The following PTPRD variants were observed in gnomAD, a reference collection of about 807,000 sequenced individuals.
PTPRD encodes the protein receptor-type tyrosine-protein phosphatase delta.
In PTPRD, 34 loss-of-function variants were observed where a neutral mutation model predicts 214.5. The observed-to-expected ratio is 0.16, with a 90% CI of 0.12 to 0.21. The LOEUF (loss-of-function observed/expected upper bound fraction) is 0.21. Among genes scored for constraint, PTPRD ranks in the 10% least tolerant of loss-of-function variants. The probability of loss-of-function intolerance (pLI) is 1.00; values close to 1 mark genes in which losing one functional copy is unlikely to be tolerated. For synonymous variants in PTPRD, 1,128 were observed against 845.7 expected, an observed-to-expected ratio of 1.33 and a Z score of -5.79; for missense variants, 2,545 against 2,398.7, an observed-to-expected ratio of 1.06 and a Z score of -1.27.
Position 8,518,386 on chromosome 9 carries a change from T to C in PTPRD, c.1005A>G (p.Thr335=), listed in dbSNP as rs1268458304. 1 of 1,613,764 alleles carries C rather than the reference T, an allele frequency of 6.2e-7. No homozygotes were observed. The highest frequency in any genetic ancestry group is 8.5e-7 in the Non-Finnish European group (1 of 1,179,868). ...PPGTPVVTES[T]ATSITLTWDS... ...CCCACGTCAGTGTGATGCTTGTAGC[T>C]GTGCTCTCGGTCACTACAGGAGTTC... is the stretch of plus-strand genomic sequence containing the variant. Residue 335 remains threonine, a synonymous_variant, in exon 21 of 46, where the codon ACA becomes ACG. Transcript: ENST00000381196.
At chr9:8,376,215 G>A in intron 38 of PTPRD, 125 bp from the exon 39 acceptor site, 1 of 1,098,938 alleles carries the variant, frequency 9.1e-7, no homozygotes, top group Admixed American at 2.8e-5. Context: ...TGTAGCCTTT[G>A]GGAAGACACA....
intron 36 of PTPRD, among the ~76,000 whole-genome samples, chr9:8,397,951 AT>A (rs1453050554): frequency 2.6e-5 from 4 of 152,128 alleles, no homozygotes; most frequent in Non-Finnish European, 4.4e-5. Context: ...AAAAGAATAG[AT>A]TCTTGCCCCT....
intron 35 of PTPRD, among the ~76,000 whole-genome samples, chr9:8,420,878 T>A (rs1368749029): frequency 1.3e-5 from 2 of 151,538 alleles, no homozygotes; most frequent in Non-Finnish European, 2.9e-5. Context: ...TGATCAGTAT[T>A]CCCCTGTTGT....
intron 2 of PTPRD, among the ~76,000 whole-genome samples, chr9:10,449,889 T>G (rs1268675422): frequency 2.0e-5 from 3 of 151,838 alleles, no homozygotes; most frequent in African/African-American, 7.3e-5. Context: ...CATTTTGTTC[T>G]GTACTAAGAA....
rs939676522 is a variant in PTPRD at position 9,233,099 on chromosome 9, T to C, written c.-202-49736A>G. ...CAGAGGCTGTATTAGTTTGTTCCCA[T>C]GCTGCTATGAAGAAATACCAGAGAC... On this transcript the variant is annotated intron_variant, in intron 9 of 45. Transcript: ENST00000381196. Among the ~76,000 whole-genome samples the C allele has an allele frequency of 7.9e-5, 12 of 152,182 alleles. No homozygotes were observed. The East Asian group carries it at 2.3e-3, about 29-fold the overall frequency.
intron 9 of PTPRD, among the ~76,000 whole-genome samples, chr9:9,216,089 A>G (rs955571410): frequency 2.6e-5 from 4 of 152,128 alleles, no homozygotes; most frequent in African/African-American, 4.8e-5. Flanking sequence ...CTTACTAGCT[A>G]TGTGACACTG....
chr9:9,779,964 C>T (rs1022112004), intron 5 of PTPRD, among the ~76,000 whole-genome samples: 1 of 150,844 alleles, frequency 6.6e-6, no homozygotes, highest in East Asian at 1.9e-4. Context: ...CTCATATGTT[C>T]ATCATTGTGT....
chr9:10,354,466 C>T (rs73644426), intron 2 of PTPRD, among the ~76,000 whole-genome samples: 3,300 of 152,204 alleles, frequency 0.022, 129 homozygotes, highest in African/African-American at 0.075. Flanking sequence ...AATGAAGCCT[C>T]TTGGTTTCCG....
At chr9:9,353,728 G>GAAAACA (rs2052457413) in intron 9 of PTPRD, among the ~76,000 whole-genome samples, 1 of 151,652 alleles carries the variant, frequency 6.6e-6, no homozygotes, top group Admixed American at 6.6e-5. Flanking sequence ...AAACAAAAAA[G>GAAAACA]AAAACAAGGA....
chr9:9,501,799 T>G (rs1188984158), intron 8 of PTPRD, among the ~76,000 whole-genome samples: 1 of 151,918 alleles, frequency 6.6e-6, no homozygotes, highest in African/African-American at 2.4e-5. Context: ...TGGCAAAATT[T>G]TAGACTACCA....
chr9:9,305,445 T>C (rs1001301129), intron 9 of PTPRD, among the ~76,000 whole-genome samples: 2 of 152,128 alleles, frequency 1.3e-5, no homozygotes, highest in African/African-American at 2.4e-5. Context: ...TAAGGTAACC[T>C]ATCTATGCTG....
chr9:8,379,433 A>C (rs948639494), intron 37 of PTPRD, among the ~76,000 whole-genome samples: 2 of 152,150 alleles, frequency 1.3e-5, no homozygotes, highest in African/African-American at 4.8e-5. Context: ...AGTTACTGAC[A>C]AATATTATTT....
At chr9:10,030,809 C>G (rs2154130896) in intron 4 of PTPRD, among the ~76,000 whole-genome samples, 1 of 152,282 alleles carries the variant, frequency 6.6e-6, no homozygotes, top group African/African-American at 2.4e-5. Context: ...TACTCCCATC[C>G]CGCTTCATCT....
At chr9:10,198,645 G>T (rs961416878) in intron 3 of PTPRD, among the ~76,000 whole-genome samples, 2 of 152,084 alleles carry the variant, frequency 1.3e-5, no homozygotes, top group Admixed American at 6.6e-5. Context: ...TTTACTGATG[G>T]TGGTTAATCA....
At chr9:9,805,573 T>G (rs2099067898) in intron 5 of PTPRD, among the ~76,000 whole-genome samples, 1 of 152,196 alleles carries the variant, frequency 6.6e-6, no homozygotes, top group African/African-American at 2.4e-5. Context: ...TATTTAAAGC[T>G]TTTCTTTTAT....
intron 5 of PTPRD, among the ~76,000 whole-genome samples, chr9:9,901,575 A>G (rs547330096): frequency 6.6e-6 from 1 of 152,008 alleles, no homozygotes; most frequent in Admixed American, 6.6e-5. Flanking sequence ...ATATTTTAAT[A>G]AATTATTAAA....
rs554191895 is a variant in PTPRD at position 9,044,395 on chromosome 9, T to A, written c.-142-25660A>T. ...TTAATCTGCTACAAATATTTAAACATGCTGCTTGGGCAGGTCCTACTGAGG... is the reference window on the plus strand; with the variant it reads ...TTAATCTGCTACAAATATTTAAACAAGCTGCTTGGGCAGGTCCTACTGAGG... On this transcript the variant is annotated intron_variant, in intron 10 of 45. Coordinates refer to ENST00000381196, the MANE Select transcript of PTPRD (RefSeq NM_002839.4). 9.1e-4 allele frequency among the ~76,000 whole-genome samples: 138 copies of A among 152,356 alleles called. 1 individual carries two copies. Among genetic ancestry groups the A allele is most frequent in the Non-Finnish European group, 5.9e-5 (4 of 68,026 alleles).
intron 9 of PTPRD, among the ~76,000 whole-genome samples, chr9:9,376,003 T>G (rs1474602296): frequency 6.6e-6 from 1 of 152,180 alleles, no homozygotes; most frequent in African/African-American, 2.4e-5. Flanking sequence ...TTAAAGGCCA[T>G]TCTCCTTGTA....
rs531456095 is a variant in PTPRD at position 9,143,729 on chromosome 9, A to C, written c.-143+39575T>G. Among the ~76,000 whole-genome samples the C allele has an allele frequency of 7.2e-5, 11 of 152,360 alleles. No individual in the cohort carries two copies. The East Asian group carries it at 1.9e-3, about 27-fold the overall frequency. On this transcript the variant is annotated intron_variant, in intron 10 of 45. Coordinates refer to ENST00000381196, the MANE Select transcript of PTPRD (RefSeq NM_002839.4). ...AATAATTTGGTCACACATTTTGAAT[A>C]AACAGTTGACTCATCCATCCTCAGA...
Sources: gnomAD v4.1 joint callset for allele counts (sites outside exome capture counted in the v4.1 genomes callset) on GRCh38, gnomAD v4.1.1 for gene constraint, MANE v1.5 for transcripts, NCBI Gene and HGNC (gene_info 2026-07-23, HGNC 2026-07-21) for gene names.